DNAH14: variants seen among roughly 807,000 people sequenced by gnomAD.
DNAH14 encodes the protein dynein axonemal heavy chain 14, also known as axonemal beta dynein heavy chain 14.
Under a neutral mutation model 520.9 loss-of-function variants are expected in DNAH14, and 478 were observed. That is an observed-to-expected ratio of 0.92 (90% CI 0.85 to 0.99). The LOEUF is 0.99. DNAH14 is among the 50% of genes least tolerant of loss of function. DNAH14 has a pLI of 0.00. For synonymous variants in DNAH14, 1,581 were observed against 1,757.2 expected (o/e 0.90, Z 2.51); for missense variants, 4,831 against 5,234.5 (o/e 0.92, Z 2.38).
chr1:225,203,076 C>A (rs951945017), intron 38 of DNAH14, among the ~76,000 whole-genome samples: 3 of 152,154 alleles, frequency 2.0e-5, no homozygotes, highest in African/African-American at 7.2e-5. Context: ...CCTGCAGGAG[C>A]AATCCACTTT....
At position 225,398,683 on chromosome 1, in the gene DNAH14, T is replaced by C. The variant is rs1312755275; in HGVS notation, c.13638+17T>C. ...CCAACAAAGGTAATCACCCTGCTATTATCCTGAAGTCCTAAACCTCTGAGC... is the reference window on the plus strand; with the variant it reads ...CCAACAAAGGTAATCACCCTGCTATCATCCTGAAGTCCTAAACCTCTGAGC... On this transcript the variant is annotated intron_variant, in intron 85 of 85. Coordinates refer to ENST00000682510, the MANE Select transcript of DNAH14 (RefSeq NM_001367479.1). 12 of 1,551,080 alleles carry C rather than the reference T, an allele frequency of 7.7e-6. No individual in the cohort carries two copies. Among genetic ancestry groups the C allele is most frequent in the Middle Eastern group, 1.7e-4 (1 of 5,984 alleles).
chr1:225,115,864 A>G (rs571790289), intron 23 of DNAH14, among the ~76,000 whole-genome samples: 1 of 152,312 alleles, frequency 6.6e-6, no homozygotes, highest in African/African-American at 2.4e-5. Flanking sequence ...ATTCCCTGCT[A>G]TTACAGAACT....
intron 41 of DNAH14, among the ~76,000 whole-genome samples, chr1:225,211,427 GA>G (rs1452857185): frequency 5.3e-5 from 8 of 152,072 alleles, no homozygotes; most frequent in Admixed American, 3.3e-4. Context: ...TCAATTTGAT[GA>G]AATAATGCAT....
At chr1:224,986,800 A>G (rs550913525) in intron 8 of DNAH14, among the ~76,000 whole-genome samples, 20 of 152,334 alleles carry the variant, frequency 1.3e-4, no homozygotes, top group South Asian at 1.0e-3. Flanking sequence ...CACCACTGCT[A>G]TTCAAACTAG....
chr1:225,060,376 A>T (rs12069212), intron 17 of DNAH14, among the ~76,000 whole-genome samples: 7,283 of 152,002 alleles, frequency 0.048, 507 homozygotes, highest in African/African-American at 0.15. Context: ...ATGTCCTTTA[A>T]GAACTTCTCT....
chr1:224,956,642 T>C lies in DNAH14; in HGVS notation c.217+1544T>C, dbSNP rs111701258. ...TCCCTGTCATTAAGCAATACATGACTGTATTTCTTCCTATTTTACCTATTA... is the reference window on the plus strand; with the variant it reads ...TCCCTGTCATTAAGCAATACATGACCGTATTTCTTCCTATTTTACCTATTA... On this transcript the variant is annotated intron_variant, in intron 3 of 85. Coordinates refer to ENST00000682510, the MANE Select transcript of DNAH14 (RefSeq NM_001367479.1). Among the ~76,000 whole-genome samples the C allele has an allele frequency of 3.9e-3, 587 of 152,316 alleles. 5 individuals carry two copies. Among genetic ancestry groups the C allele is most frequent in the African/African-American group, 0.013 (555 of 41,586 alleles).
At chr1:224,948,467 G>A (rs532544682) in intron 1 of DNAH14, among the ~76,000 whole-genome samples, 4 of 151,134 alleles carry the variant, frequency 2.6e-5, no homozygotes, top group African/African-American at 7.3e-5. Flanking sequence ...TTTATGTTTC[G>A]GAAATTTGTC....
intron 8 of DNAH14, among the ~76,000 whole-genome samples, chr1:224,991,083 G>GTTTTTTTT (rs1558617166): frequency 1.0e-5 from 1 of 95,902 alleles, no homozygotes; most frequent in Non-Finnish European, 1.9e-5. Context: ...GTGATGTTGA[G>GTTTTTTTT]CTTTTTTTTT....
intron 79 of DNAH14, among the ~76,000 whole-genome samples, chr1:225,379,024 A>G (rs958720398): frequency 1.3e-5 from 2 of 152,118 alleles, no homozygotes; most frequent in African/African-American, 4.8e-5. Flanking sequence ...TGGTTTCATC[A>G]TCTTTAAAAG....
At chr1:225,023,900 C>A (rs1572537079) in intron 11 of DNAH14, 35 bp downstream of exon 11, 1 of 1,492,624 alleles carries the variant, frequency 6.7e-7, no homozygotes, top group South Asian at 1.3e-5. Flanking sequence ...AAGTAACTTA[C>A]AATTATAATA....
intron 27 of DNAH14, among the ~76,000 whole-genome samples, chr1:225,131,124 T>G (rs1014794680): frequency 1.2e-4 from 19 of 152,180 alleles, no homozygotes; most frequent in Non-Finnish European, 2.4e-4. Context: ...TCACTATAGT[T>G]TTGAAAATCT....
intron 30 of DNAH14, among the ~76,000 whole-genome samples, chr1:225,146,732 C>T (rs562027686): frequency 6.6e-6 from 1 of 152,350 alleles, no homozygotes; most frequent in East Asian, 1.9e-4. Flanking sequence ...ACTTTACGCC[C>T]ATCTGCCAGA....
At chr1:225,357,590 A>G (rs1248096540) in intron 73 of DNAH14, among the ~76,000 whole-genome samples, 5 of 113,970 alleles carry the variant, frequency 4.4e-5, no homozygotes, top group Admixed American at 1.9e-4. Context: ...GCCTCTTTTC[A>G]TTTTTAAAAA....
intron 61 of DNAH14, among the ~76,000 whole-genome samples, chr1:225,322,130 G>T (rs1396887260): frequency 1.9e-5 from 2 of 106,526 alleles, no homozygotes; most frequent in African/African-American, 3.6e-5. Flanking sequence ...TCACTTTGTC[G>T]CCCAGGCTGG....
At chr1:225,176,262 A>G (rs1206688968) in intron 36 of DNAH14, among the ~76,000 whole-genome samples, 1 of 152,146 alleles carries the variant, frequency 6.6e-6, no homozygotes, top group Non-Finnish European at 1.5e-5. Context: ...ACAATTTCCA[A>G]AGTTCCTTCT....
chr1:225,335,848 CA>C (rs2095003539), intron 66 of DNAH14, among the ~76,000 whole-genome samples: 1 of 110,664 alleles, frequency 9.0e-6, no homozygotes, highest in African/African-American at 3.9e-5. Flanking sequence ...TGTACATACA[CA>C]TATGTACATA....
intron 17 of DNAH14, among the ~76,000 whole-genome samples, chr1:225,055,813 G>A (rs545250021): frequency 2.0e-5 from 3 of 151,600 alleles, no homozygotes; most frequent in Admixed American, 1.3e-4. Context: ...GCGATAGTTT[G>A]CTGAGAATGA....
At chr1:225,315,892 G>A (rs934717281) in intron 60 of DNAH14, among the ~76,000 whole-genome samples, 3 of 152,226 alleles carry the variant, frequency 2.0e-5, no homozygotes, top group Non-Finnish European at 4.4e-5. Context: ...TCCCCATCAG[G>A]AGGCATGCAG....
intron 36 of DNAH14, among the ~76,000 whole-genome samples, chr1:225,173,903 A>G (rs1202593334): frequency 6.6e-6 from 1 of 152,270 alleles, no homozygotes; most frequent in Non-Finnish European, 1.5e-5. Context: ...AATGTGGCAC[A>G]TATACACCAT....
Sources: allele counts gnomAD v4.1 joint callset (sites outside exome capture counted in the v4.1 genomes callset), GRCh38; gene constraint gnomAD v4.1.1; transcripts MANE v1.5; gene names NCBI Gene and HGNC (gene_info 2026-07-23, HGNC 2026-07-21).